The following ADK variants were observed in gnomAD, a reference collection of about 807,000 sequenced individuals.
ADK encodes the protein adenosine kinase.
ADK carries 24 observed loss-of-function variants against 44.7 expected under a neutral mutation model. The ratio of observed to expected loss-of-function variants is 0.54; its 90% CI spans 0.39 to 0.76. The LOEUF (loss-of-function observed/expected upper bound fraction) is 0.76. Among genes scored for constraint, ADK ranks in the 30% least tolerant of loss-of-function variants. The pLI is 0.00. For missense variants in ADK, 321 were observed against 425.1 expected (o/e 0.76, Z 2.15); for synonymous variants, 128 against 142.6 (o/e 0.90, Z 0.73).
At chr10:74,311,950 G>A (rs551584339) in intron 3 of ADK, among the ~76,000 whole-genome samples, 5 of 152,068 alleles carry the variant, frequency 3.3e-5, no homozygotes, top group Non-Finnish European at 4.4e-5. Flanking sequence ...GGCAGATCAC[G>A]AGGTCAAGAG....
intron 3 of ADK, among the ~76,000 whole-genome samples, chr10:74,285,426 A>G (rs1336752452): frequency 2.6e-5 from 4 of 152,236 alleles, no homozygotes; most frequent in Admixed American, 1.3e-4. Context: ...AAGTTGGAGA[A>G]CAGCTCAATA....
At chr10:74,516,528 CTT>C (rs58022347) in intron 6 of ADK, among the ~76,000 whole-genome samples, 107 of 138,874 alleles carry the variant, frequency 7.7e-4, no homozygotes, top group Admixed American at 1.1e-3. Flanking sequence ...CTTTTCTTTT[CTT>C]TTTTTTTTTT....
At chr10:74,186,750 T>C (rs1842781544) in intron 1 of ADK, among the ~76,000 whole-genome samples, 1 of 152,242 alleles carries the variant, frequency 6.6e-6, no homozygotes, top group African/African-American at 2.4e-5. Flanking sequence ...TGATTACTTT[T>C]GTTCAATATA....
chr10:74,194,258 G>A (rs1843046789), intron 1 of ADK, among the ~76,000 whole-genome samples: 1 of 152,130 alleles, frequency 6.6e-6, no homozygotes, highest in Non-Finnish European at 1.5e-5. Context: ...TCAAAGAACA[G>A]TAAGGCATTA....
chr10:74,523,011 T>C (rs779540984), intron 6 of ADK, among the ~76,000 whole-genome samples: 2 of 152,164 alleles, frequency 1.3e-5, no homozygotes, highest in Non-Finnish European at 2.9e-5. Context: ...CCTCCTCTTA[T>C]TATCTGCTCA....
intron 9 of ADK, among the ~76,000 whole-genome samples, chr10:74,649,157 G>A: frequency 6.6e-6 from 1 of 152,128 alleles, no homozygotes; most frequent in South Asian, 2.1e-4. Context: ...AGTTTGCAGT[G>A]AGTCAAGATC....
chr10:74,502,516 A>C (rs888672037), intron 6 of ADK, among the ~76,000 whole-genome samples: 1 of 152,126 alleles, frequency 6.6e-6, no homozygotes, highest in Admixed American at 6.5e-5. Context: ...CTATGATTGC[A>C]ATTCACTTTT....
At chr10:74,207,059 C>G (rs1843629111) in intron 2 of ADK, among the ~76,000 whole-genome samples, 1 of 152,192 alleles carries the variant, frequency 6.6e-6, no homozygotes. Context: ...TGGGATCTGG[C>G]CACTGTGTAC....
At chr10:74,590,514 G>T (rs1420418701) in intron 8 of ADK, among the ~76,000 whole-genome samples, 1 of 152,110 alleles carries the variant, frequency 6.6e-6, no homozygotes, top group African/African-American at 2.4e-5. Flanking sequence ...GGAAAGACAA[G>T]GAACATGTGA....
intron 4 of ADK, among the ~76,000 whole-genome samples, chr10:74,376,047 CT>C (rs1842812233): frequency 1.3e-5 from 2 of 151,902 alleles, no homozygotes; most frequent in South Asian, 4.2e-4. Context: ...AAAAAATCAC[CT>C]TTATTTTAAT....
intron 4 of ADK, among the ~76,000 whole-genome samples, chr10:74,391,185 G>GA (rs1554852030): frequency 6.6e-6 from 1 of 152,030 alleles, no homozygotes; most frequent in Non-Finnish European, 1.5e-5. Context: ...AGAGCATACT[G>GA]AAAAATTATT....
At chr10:74,296,893 C>T (rs532901833) in intron 3 of ADK, among the ~76,000 whole-genome samples, 12 of 152,160 alleles carry the variant, frequency 7.9e-5, no homozygotes, top group Admixed American at 2.0e-4. Flanking sequence ...GGATTACAGG[C>T]GTGAGTCATC....
chr10:74,351,610 A>C (rs2131906330), intron 4 of ADK, among the ~76,000 whole-genome samples: 1 of 152,288 alleles, frequency 6.6e-6, no homozygotes, highest in South Asian at 2.1e-4. Context: ...TTTAAATAGG[A>C]ATAGAGGAAG....
intron 3 of ADK, among the ~76,000 whole-genome samples, chr10:74,232,352 C>G (rs940404388): frequency 6.6e-6 from 1 of 151,918 alleles, no homozygotes; most frequent in African/African-American, 2.4e-5. Context: ...AACCCTGTCT[C>G]TACTAAAAGT....
At chr10:74,599,857 A>G (rs1038363046) in intron 8 of ADK, among the ~76,000 whole-genome samples, 1 of 152,180 alleles carries the variant, frequency 6.6e-6, no homozygotes, top group Non-Finnish European at 1.5e-5. Context: ...AATTGACATT[A>G]TAAGAACTGT....
chr10:74,357,423 C>T (rs1362309739), intron 4 of ADK, among the ~76,000 whole-genome samples: 6 of 151,542 alleles, frequency 4.0e-5, no homozygotes, highest in African/African-American at 9.7e-5. Context: ...GTGACCCTCC[C>T]AGCTGGTACT....
intron 3 of ADK, among the ~76,000 whole-genome samples, chr10:74,243,580 G>A (rs1027380508): frequency 3.9e-5 from 6 of 152,116 alleles, no homozygotes; most frequent in African/African-American, 1.4e-4. Flanking sequence ...TAGACACATC[G>A]AAATAAATCA....
At chr10:74,322,030 G>A (rs1261981312) in intron 4 of ADK, among the ~76,000 whole-genome samples, 1 of 151,958 alleles carries the variant, frequency 6.6e-6, no homozygotes, top group African/African-American at 2.4e-5. Flanking sequence ...GTAAATCAAA[G>A]GACTCATGTT....
intron 3 of ADK, among the ~76,000 whole-genome samples, chr10:74,290,544 G>C (rs1847376016): frequency 6.6e-6 from 1 of 151,512 alleles, no homozygotes; most frequent in Non-Finnish European, 1.5e-5. Context: ...TTTGTGACCA[G>C]TATTCATCTA....
Sources: gnomAD v4.1 joint callset for allele counts (sites outside exome capture counted in the v4.1 genomes callset) on GRCh38, gnomAD v4.1.1 for gene constraint, MANE v1.5 for transcripts, NCBI Gene and HGNC (gene_info 2026-07-23, HGNC 2026-07-21) for gene names.